The following EXOC6B variants were observed in gnomAD, a reference collection of about 807,000 sequenced individuals.
EXOC6B encodes the protein SEC15 homolog B.
Under a neutral mutation model 113.5 loss-of-function variants are expected in EXOC6B, and 54 were observed. The ratio of observed to expected loss-of-function variants is 0.48; its 90% CI spans 0.38 to 0.60. The LOEUF is 0.60. EXOC6B is among the 20% of genes least tolerant of loss of function. The probability of loss-of-function intolerance (pLI) is 0.00; values close to 1 mark genes in which losing one functional copy is unlikely to be tolerated. For synonymous variants in EXOC6B, 357 were observed against 339.0 expected, an observed-to-expected ratio of 1.05 and a Z score of -0.58; for missense variants, 797 against 977.5, an observed-to-expected ratio of 0.82 and a Z score of 2.46.
intron 1 of EXOC6B, among the ~76,000 whole-genome samples, chr2:72,758,884 T>A (rs1335545752): frequency 1.3e-5 from 2 of 152,246 alleles, no homozygotes; most frequent in African/African-American, 4.8e-5. Flanking sequence ...TGAGAACAAG[T>A]CCTTGATCCC....
At chr2:72,340,564 G>A (rs1242667518) in intron 19 of EXOC6B, among the ~76,000 whole-genome samples, 1 of 152,162 alleles carries the variant, frequency 6.6e-6, no homozygotes, top group Non-Finnish European at 1.5e-5. Flanking sequence ...TAAACTTCCA[G>A]TTTAGACAAT....
At chr2:72,365,641 G>C (rs1453295179) in intron 19 of EXOC6B, among the ~76,000 whole-genome samples, 4 of 152,172 alleles carry the variant, frequency 2.6e-5, no homozygotes, top group African/African-American at 4.8e-5. Flanking sequence ...TGCTACAAAA[G>C]AGAGCATCCA....
At chr2:72,705,628 C>G (rs1172808974) in intron 6 of EXOC6B, among the ~76,000 whole-genome samples, 2 of 151,958 alleles carry the variant, frequency 1.3e-5, no homozygotes, top group Non-Finnish European at 2.9e-5. Context: ...CAAGTAAGCA[C>G]CACAACCTGA....
At chr2:72,291,136 T>C (rs1355934908) in intron 20 of EXOC6B, among the ~76,000 whole-genome samples, 1 of 152,170 alleles carries the variant, frequency 6.6e-6, no homozygotes, top group African/African-American at 2.4e-5. Context: ...ACAAAGAAAC[T>C]GAGGCTAGAG....
At chr2:72,746,865 C>G (rs1303896107) in intron 1 of EXOC6B, among the ~76,000 whole-genome samples, 1 of 151,958 alleles carries the variant, frequency 6.6e-6, no homozygotes, top group Non-Finnish European at 1.5e-5. Context: ...CATGGGCCCC[C>G]AAAATGTTAG....
At chr2:72,527,056 T>G (rs974309717) in intron 8 of EXOC6B, among the ~76,000 whole-genome samples, 1 of 152,042 alleles carries the variant, frequency 6.6e-6, no homozygotes, top group Non-Finnish European at 1.5e-5. Context: ...CCATATCGAC[T>G]GCTCTCCATC....
chr2:72,800,865 A>G (rs1685236937), intron 1 of EXOC6B, among the ~76,000 whole-genome samples: 1 of 152,178 alleles, frequency 6.6e-6, no homozygotes, highest in South Asian at 2.1e-4. Flanking sequence ...GATGATGTAC[A>G]CTCTATCAAC....
At position 72,271,363 on chromosome 2, in the gene EXOC6B, C is replaced by T. The variant is rs937552535; in HGVS notation, c.2196+63584G>A. Among the ~76,000 whole-genome samples, 8 of 152,022 alleles carry T rather than the reference C, an allele frequency of 5.3e-5. No individual in the cohort carries two copies. The East Asian group carries it at 7.7e-4, about 15-fold the overall frequency. ...GCCTATCCTGCATCCTTGTGTGAGT[C>T]GCCTACATTAAGCAGTATCTCTTGA... is the stretch of plus-strand genomic sequence containing the variant. On this transcript the variant is annotated intron_variant, in intron 20 of 21. Transcript: ENST00000272427.
At chr2:72,455,121 G>A (rs970873914) in intron 18 of EXOC6B, among the ~76,000 whole-genome samples, 2 of 152,108 alleles carry the variant, frequency 1.3e-5, no homozygotes, top group Non-Finnish European at 2.9e-5. Flanking sequence ...GAAGAAAAAT[G>A]TGGTTGTGTC....
intron 20 of EXOC6B, among the ~76,000 whole-genome samples, chr2:72,225,962 C>G (rs747135565): frequency 3.3e-5 from 5 of 152,118 alleles, no homozygotes; most frequent in Non-Finnish European, 7.3e-5. Flanking sequence ...GAAGTTGTAT[C>G]CATTTATAGT....
intron 18 of EXOC6B, among the ~76,000 whole-genome samples, chr2:72,399,009 G>GA (rs576686166): frequency 0.46 from 56,090 of 122,492 alleles, 14,943 homozygotes; most frequent in African/African-American, 0.8. Flanking sequence ...CAGTGAAAAA[G>GA]AAAAAAAAAA....
intron 6 of EXOC6B, among the ~76,000 whole-genome samples, chr2:72,704,724 C>G (rs925806429): frequency 1.3e-5 from 2 of 150,410 alleles, no homozygotes; most frequent in African/African-American, 2.4e-5. Flanking sequence ...ACTAGAAAAT[C>G]TAGAAGAAAT....
intron 20 of EXOC6B, among the ~76,000 whole-genome samples, chr2:72,220,733 G>A (rs1289662753): frequency 6.6e-6 from 1 of 152,050 alleles, no homozygotes; most frequent in Non-Finnish European, 1.5e-5. Flanking sequence ...GAACGATGAA[G>A]ACAAACTGTG....
chr2:72,710,496 T>C (rs963216929), intron 6 of EXOC6B, among the ~76,000 whole-genome samples: 3 of 151,712 alleles, frequency 2.0e-5, no homozygotes, highest in African/African-American at 4.8e-5. Flanking sequence ...GAAGCAAAAA[T>C]TGGTACAAAT....
intron 20 of EXOC6B, among the ~76,000 whole-genome samples, chr2:72,332,404 G>A (rs376548378): frequency 1.1e-4 from 17 of 152,138 alleles, no homozygotes; most frequent in African/African-American, 3.4e-4. Context: ...GACTAGATGA[G>A]AAATAGGTAA....
At chr2:72,664,586 C>T (rs1399861760) in intron 6 of EXOC6B, among the ~76,000 whole-genome samples, 1 of 152,182 alleles carries the variant, frequency 6.6e-6, no homozygotes, top group Non-Finnish European at 1.5e-5. Context: ...AGAGCAGCTG[C>T]AGCAAAATGT....
At chr2:72,189,296 C>A (rs1678656292) in intron 20 of EXOC6B, among the ~76,000 whole-genome samples, 1 of 151,870 alleles carries the variant, frequency 6.6e-6, no homozygotes, top group Admixed American at 6.6e-5. Flanking sequence ...CATTTTTTCC[C>A]AGTTTGGTTT....
At chr2:72,233,168 T>C (rs2104474299) in intron 20 of EXOC6B, among the ~76,000 whole-genome samples, 1 of 152,138 alleles carries the variant, frequency 6.6e-6, no homozygotes, top group East Asian at 1.9e-4. Context: ...AAGGATCACA[T>C]AACTGTGGAA....
chr2:72,728,463 C>G (rs1249645420), intron 5 of EXOC6B, among the ~76,000 whole-genome samples: 1 of 152,072 alleles, frequency 6.6e-6, no homozygotes, highest in Non-Finnish European at 1.5e-5. Context: ...GGAAACATAC[C>G]AAATGTCCCT....
Sources: gnomAD v4.1 joint callset for allele counts (sites outside exome capture counted in the v4.1 genomes callset) on GRCh38, gnomAD v4.1.1 for gene constraint, MANE v1.5 for transcripts, NCBI Gene and HGNC (gene_info 2026-07-23, HGNC 2026-07-21) for gene names.